Variants in MCRS1 observed in about 807,000 individuals in gnomAD.
MCRS1 encodes 58 kDa microspherule protein.
MCRS1 carries 22 observed loss-of-function variants against 62.9 expected under a neutral mutation model. The ratio of observed to expected loss-of-function variants is 0.35; its 90% confidence interval spans 0.25 to 0.50. The LOEUF (loss-of-function observed/expected upper bound fraction) is 0.50, where lower values mean the gene tolerates loss of function less well. MCRS1 is among the 20% of genes least tolerant of loss of function. MCRS1 has a pLI of 0.98. For synonymous variants in MCRS1, 244 were observed against 233.5 expected, an observed-to-expected ratio of 1.04 and a Z score of -0.41; for missense variants, 456 against 601.1, an observed-to-expected ratio of 0.76 and a Z score of 2.52.
rs200435684 is a variant in MCRS1, at chr12:49,558,612, G to A, written c.*31C>T. ...GCTGGAGTGGCAGGGGAAACAGGCC[G>A]GAGAGGGCCCACGAGTCCTGCCACC... On this transcript the variant is annotated 3_prime_UTR_variant, in exon 15 of 15. Transcript: ENST00000343810. The A allele has an allele frequency of 4.3e-5, 69 of 1,603,802 alleles. No individual in the cohort carries two copies. The Admixed American group carries it at 5.0e-4, about 12-fold the overall frequency.
chr12:49,562,704 G>A (rs555998639), intron 8 of MCRS1, among the ~76,000 whole-genome samples: 1 of 152,118 alleles, frequency 6.6e-6, no homozygotes, highest in Non-Finnish European at 1.5e-5. Context: ...ATTTATGTGA[G>A]AATAAAATAT....
intron 13 of MCRS1, 22 bp from the exon 14 acceptor site, chr12:49,558,992 A>C (rs1440116191): frequency 6.2e-7 from 1 of 1,601,318 alleles, no homozygotes; most frequent in African/African-American, 1.5e-5. Context: ...GAAAGAAAGA[A>C]GGGATGATGG....
intron 8 of MCRS1, among the ~76,000 whole-genome samples, 155 bp downstream of exon 8, chr12:49,562,845 GA>G (rs1166819662): frequency 6.6e-6 from 1 of 152,200 alleles, no homozygotes; most frequent in African/African-American, 2.4e-5. Flanking sequence ...TCTCTCTCTG[GA>G]AAGTAGTTTT....
At chr12:49,560,985 A>C (rs1938736788) in intron 8 of MCRS1, among the ~76,000 whole-genome samples, 2 of 152,222 alleles carry the variant, frequency 1.3e-5, no homozygotes, top group Admixed American at 1.3e-4. Context: ...ATGAAATGGA[A>C]TAGGAAAATG....
rs772729597 is a variant in MCRS1 at position 49,558,986 on chromosome 12, G to A, written c.1175-16C>T. On this transcript the variant is annotated splice_polypyrimidine_tract_variant and intron_variant, in intron 13 of 14. Transcript: ENST00000343810. ...TTGATGACACCTGTGGAAGCAGAAA[G>A]AAAGAAGGGATGATGGGATGGGGAG... 7 of 1,610,534 alleles carry A rather than the reference G, an allele frequency of 4.3e-6. No individual in the cohort carries two copies. In the South Asian group the frequency reaches 5.5e-5, roughly 13 times the overall value.
intron 6 of MCRS1, 149 bp downstream of exon 6, chr12:49,564,332 C>T: frequency 1.6e-6 from 1 of 615,064 alleles, no homozygotes; most frequent in Non-Finnish European, 2.8e-6. Flanking sequence ...CTCTTTGAAG[C>T]CTCTCAGGCC....
chr12:49,562,175 C>T (rs188562104), intron 8 of MCRS1, among the ~76,000 whole-genome samples: 7 of 152,262 alleles, frequency 4.6e-5, no homozygotes, highest in African/African-American at 9.6e-5. Context: ...GCAGAAGCTG[C>T]GGGACCCTGG....
chr12:49,563,854 C>T (rs754150890), intron 6 of MCRS1, among the ~76,000 whole-genome samples: 11 of 152,216 alleles, frequency 7.2e-5, no homozygotes, highest in Admixed American at 2.0e-4. Context: ...GCTGCCACCC[C>T]CTAGCCACTG....
At chr12:49,564,357 A>G (rs933618044) in intron 6 of MCRS1, 124 bp downstream of exon 6, 9 of 737,768 alleles carry the variant, frequency 1.2e-5, no homozygotes, top group Admixed American at 5.6e-5. Flanking sequence ...TATCACCCCC[A>G]AGGAGCCTCC....
At chr12:49,566,266 T>G in intron 2 of MCRS1, 51 bp from the exon 3 acceptor site, 1 of 1,586,104 alleles carries the variant, frequency 6.3e-7, no homozygotes, top group East Asian at 2.3e-5. Context: ...CTAGAGCCTC[T>G]GCAAATGGGA....
chr12:49,565,332 T>C (rs1005460141), intron 4 of MCRS1, 197 bp downstream of exon 4: 10 of 984,964 alleles, frequency 1.0e-5, no homozygotes, highest in Admixed American at 1.2e-4. Flanking sequence ...AATGGCAGGG[T>C]TGGGGGTGGG....
Position 49,564,504 on chromosome 12 carries a change from C to G in MCRS1, c.534G>C (p.Leu178=), listed in dbSNP as rs1419481328. The G allele has an allele frequency of 9.3e-6, 15 of 1,613,144 alleles. No individual in the cohort carries two copies. The highest frequency in any genetic ancestry group is 2.2e-5 in the East Asian group (1 of 44,862). ...ACTTGGAGATGACAGGATCGTAGAG[C>G]AGGGCGTACCAACGCTCCTGGACCT... ...LREVQERWYA[L]LYDPVISKLA... The change falls in exon 6 of 15, where the codon CTG becomes CTC. Residue 178 remains leucine (L), a synonymous_variant. Coordinates refer to ENST00000343810, the MANE Select transcript of MCRS1 (RefSeq NM_006337.5).
intron 8 of MCRS1, 68 bp downstream of exon 8, chr12:49,562,933 G>C: frequency 6.6e-7 from 1 of 1,509,358 alleles, no homozygotes; most frequent in Non-Finnish European, 8.9e-7. Flanking sequence ...CAGCTGTGTC[G>C]AGTACTTCAG....
In MCRS1 at chr12:49,559,239, C is replaced by G. The variant is rs759111585; in HGVS notation, c.1149G>C (p.Pro383=). ...CTTGTTTCCGGGATATCTTCCAGGC[C>G]GGACCCTCCAGAGACAGGTCCACAT... is the stretch of plus-strand genomic sequence containing the variant. ...QIDVDLSLEG[P]AWKISRKQGV... is the part of the protein sequence containing the mutation. The change falls in exon 13 of 15, where the codon CCG becomes CCC. Residue 383 remains proline (P), a synonymous_variant. Coordinates refer to ENST00000343810, the MANE Select transcript of MCRS1 (RefSeq NM_006337.5). This position sits in a 1 kb window ranked among gnomAD's most constrained non-coding sequence, Gnocchi z 5.2. 6.2e-7 allele frequency: 1 copy of G among 1,613,970 alleles called. No homozygotes were observed. The highest frequency in any genetic ancestry group is 1.1e-5 in the South Asian group (1 of 91,080).
chr12:49,558,413 T>G lies in MCRS1; in HGVS notation c.*230A>C. 1.8e-6 allele frequency: 1 copy of G among 559,046 alleles called. No individual in the cohort carries two copies. The highest frequency in any genetic ancestry group is 2.7e-5 in the South Asian group (1 of 37,246). The allele number at this position is 559,046 out of a possible 1,614,324, so 34.6% of individuals were successfully genotyped here. A position where few individuals can be genotyped will look rare whatever the true frequency, so the allele number is the denominator to read the frequency against. ...TGGCAATGGGGGGTAGGGTTGTTTTTAGAGAGAGGAAGATGGGGAGGGGCT... is the reference window on the plus strand; with the variant it reads ...TGGCAATGGGGGGTAGGGTTGTTTTGAGAGAGAGGAAGATGGGGAGGGGCT... On this transcript the variant is annotated 3_prime_UTR_variant, in exon 15 of 15. Coordinates refer to ENST00000343810, the MANE Select transcript of MCRS1 (RefSeq NM_006337.5).
At chr12:49,563,270 G>T in intron 7 of MCRS1, 131 bp from the exon 8 acceptor site, 1 of 1,441,346 alleles carries the variant, frequency 6.9e-7, no homozygotes, top group Admixed American at 2.0e-5. Context: ...AAGAAGTCAG[G>T]CTTGGCTCTT....
chr12:49,559,803 C>T lies in MCRS1; in HGVS notation c.929G>A (p.Arg310Gln), dbSNP rs749780056. 3.1e-6 allele frequency: 5 copies of T among 1,614,198 alleles called. No homozygotes were observed. Among genetic ancestry groups the T allele is most frequent in the East Asian group, 2.2e-5 (1 of 44,888 alleles). Residue 310 changes from arginine (R) to glutamine (Q), a missense_variant, in exon 11 of 15, where the codon CGG becomes CAG. Transcript: ENST00000343810. This position sits in a 1 kb window ranked among gnomAD's most constrained non-coding sequence, Gnocchi z 5.2. ...VLEHELMVAD[R>Q]RQKREIRQLE... ...CTGCCGAATCTCTCGCTTCTGGCGC[C>T]GGTCAGCCACCATCAGCTCTGGGGT...
Position 49,558,896 on chromosome 12 carries a change from G to A in MCRS1, c.1249C>T (p.Arg417Trp), listed in dbSNP as rs200317719. 2.4e-5 allele frequency: 39 copies of A among 1,613,022 alleles called. No homozygotes were observed. The highest frequency in any genetic ancestry group is 3.3e-5 in the Non-Finnish European group (39 of 1,180,032). Reference protein sequence around the residue: ...EGRRPIYIDGRPVLCGSKWRL... With the variant: ...EGRRPIYIDGWPVLCGSKWRL... ...CATTTGGAGCCACAGAGCACCGGCC[G>A]TCCATCGATGTAGATGGGCCGTCGA... is the stretch of plus-strand genomic sequence containing the variant. The change falls in exon 14 of 15, where the codon CGG (arginine) becomes TGG (tryptophan). Residue 417 changes from arginine (R) to tryptophan (W), a missense_variant. Transcript: ENST00000343810.
In MCRS1 at chr12:49,558,747, G is replaced by A; in HGVS notation, c.1303-18C>T. On this transcript the variant is annotated intron_variant, in intron 14 of 14. Transcript: ENST00000343810. Reference sequence around the variant, plus strand: ...CTGGCGATCTGGGTGGGAGACAAAGGTGGCTTAAGACAGAGGTGGCACCAG... The same window carrying A: ...CTGGCGATCTGGGTGGGAGACAAAGATGGCTTAAGACAGAGGTGGCACCAG... 6.2e-7 allele frequency: 1 copy of A among 1,613,612 alleles called. No individual in the cohort carries two copies. Among genetic ancestry groups the A allele is most frequent in the Non-Finnish European group, 8.5e-7 (1 of 1,180,022 alleles).
Sources: allele counts gnomAD v4.1 joint callset (sites outside exome capture counted in the v4.1 genomes callset), GRCh38; gene constraint gnomAD v4.1.1; non-coding constraint Gnocchi (gnomAD v3.1); transcripts MANE v1.5; gene names NCBI Gene and HGNC (gene_info 2026-07-23, HGNC 2026-07-21).